NRG1: variants seen among roughly 807,000 people sequenced by gnomAD.
NRG1 encodes pro-neuregulin-1, membrane-bound isoform.
NRG1 carries 18 observed loss-of-function variants against 63.8 expected under a neutral mutation model. The ratio of observed to expected loss-of-function variants is 0.28; its 90% CI spans 0.19 to 0.42. The LOEUF is 0.42. Ranked by LOEUF, NRG1 falls within the 10% of genes least tolerant of loss-of-function variation. The probability of loss-of-function intolerance (pLI) is 1.00; values close to 1 mark genes in which losing one functional copy is unlikely to be tolerated. For missense variants in NRG1, 762 were observed against 814.7 expected, an observed-to-expected ratio of 0.94 and a Z score of 0.79; for synonymous variants, 302 against 301.3, an observed-to-expected ratio of 1.00 and a Z score of -0.02.
At chr8:32,224,491 GAT>G (rs1846132513) in intron 1 of NRG1, among the ~76,000 whole-genome samples, 1 of 152,140 alleles carries the variant, frequency 6.6e-6, no homozygotes. Context: ...CCAGTGGGAG[GAT>G]ATTTAAACCC....
At chr8:32,695,408 A>G (rs532384399) in intron 5 of NRG1, among the ~76,000 whole-genome samples, 1 of 152,240 alleles carries the variant, frequency 6.6e-6, no homozygotes, top group East Asian at 1.9e-4. Context: ...AGGAGAAAAG[A>G]AAAGAAAAGA....
intron 5 of NRG1, among the ~76,000 whole-genome samples, chr8:32,622,813 CATGT>C (rs1417300614): frequency 2.6e-5 from 4 of 152,180 alleles, no homozygotes; most frequent in Non-Finnish European, 5.9e-5. Flanking sequence ...ATGGTCCCTT[CATGT>C]ATGGAAGAGA....
chr8:31,871,274 C>T (rs1392270836), intron 1 of NRG1, among the ~76,000 whole-genome samples: 1 of 152,094 alleles, frequency 6.6e-6, no homozygotes, highest in Non-Finnish European at 1.5e-5. Flanking sequence ...TGTGCCCGTC[C>T]TTGTTTTCCT....
chr8:31,829,127 C>A (rs925388825), intron 1 of NRG1, among the ~76,000 whole-genome samples: 1 of 152,186 alleles, frequency 6.6e-6, no homozygotes, highest in Admixed American at 6.5e-5. Flanking sequence ...TTGGATTAAC[C>A]TCTCTCAGAT....
At chr8:32,719,333 G>A (rs1222329410) in intron 5 of NRG1, among the ~76,000 whole-genome samples, 2 of 151,960 alleles carry the variant, frequency 1.3e-5, no homozygotes, top group Non-Finnish European at 2.9e-5. Flanking sequence ...ACAAGGGATT[G>A]TGTAATGAAT....
chr8:31,683,582 C>T lies in NRG1; in HGVS notation c.37+44151C>T, dbSNP rs117924852. On this transcript the variant is annotated intron_variant, in intron 1 of 10. Transcript: ENST00000519301. ...GGCAGAGCATGTAGGATCTTCAGGG[C>T]GGTGAAACTATTTTTTATGATTCTG... is the stretch of plus-strand genomic sequence containing the variant. Among the ~76,000 whole-genome samples, 2,022 of 152,122 alleles carry T rather than the reference C, an allele frequency of 0.013. 63 individuals are homozygous for T. The South Asian group carries it at 0.14, about 10-fold the overall frequency.
chr8:31,877,861 T>C (rs928396008), intron 1 of NRG1, among the ~76,000 whole-genome samples: 42 of 152,196 alleles, frequency 2.8e-4, no homozygotes, highest in African/African-American at 9.4e-4. Flanking sequence ...CCTAAAATAT[T>C]TGAATGACCC....
At chr8:31,884,567 C>T (rs1288420227) in intron 1 of NRG1, among the ~76,000 whole-genome samples, 1 of 152,120 alleles carries the variant, frequency 6.6e-6, no homozygotes, top group Non-Finnish European at 1.5e-5. Flanking sequence ...TTTGCCTTCA[C>T]TTTCTCTCCT....
intron 1 of NRG1, among the ~76,000 whole-genome samples, chr8:32,561,803 T>C (rs1836449993): frequency 6.6e-6 from 1 of 151,618 alleles, no homozygotes; most frequent in Non-Finnish European, 1.5e-5. Flanking sequence ...AGGGCAGTAG[T>C]TCAGTTTGCA....
intron 4 of NRG1, among the ~76,000 whole-genome samples, chr8:32,616,468 C>G (rs886074349): frequency 6.6e-6 from 1 of 152,076 alleles, no homozygotes; most frequent in African/African-American, 2.4e-5. Flanking sequence ...GGGCTATTCT[C>G]TTTGGTTTCA....
chr8:32,250,006 A>T (rs533948192), intron 1 of NRG1, among the ~76,000 whole-genome samples: 1 of 152,214 alleles, frequency 6.6e-6, no homozygotes, highest in South Asian at 2.1e-4. Context: ...GAATATGGGA[A>T]GGCAGTTTGG....
At chr8:32,764,178 A>G in exon 12 of NRG1, 7 of 1,614,134 alleles carry the variant, frequency 4.3e-6, no homozygotes, top group South Asian at 1.1e-5. Context: ...CAGCAACACA[A>G]GCTCCCAGAG....
At chr8:32,540,095 T>TG (rs557722049) in intron 1 of NRG1, among the ~76,000 whole-genome samples, 170 of 152,294 alleles carry the variant, frequency 1.1e-3, no homozygotes, top group Admixed American at 2.4e-3. Flanking sequence ...TTGTTGTTGT[T>TG]GTTATGGTTT....
intron 1 of NRG1, among the ~76,000 whole-genome samples, chr8:32,266,028 T>G (rs1475493877): frequency 1.3e-5 from 2 of 152,054 alleles, no homozygotes; most frequent in Non-Finnish European, 2.9e-5. Context: ...TTGGTATCCT[T>G]GGGGGGTCCT....
At chr8:32,325,785 G>T (rs562320628) in intron 1 of NRG1, among the ~76,000 whole-genome samples, 1 of 152,214 alleles carries the variant, frequency 6.6e-6, no homozygotes, top group African/African-American at 2.4e-5. Flanking sequence ...GATATCAAAG[G>T]TTCCTTTCAC....
intron 5 of NRG1, among the ~76,000 whole-genome samples, chr8:32,658,684 G>A (rs1325578413): frequency 6.6e-6 from 1 of 152,092 alleles, no homozygotes; most frequent in Non-Finnish European, 1.5e-5. Flanking sequence ...AGAAAATGTT[G>A]ATATTTTCAT....
At chr8:32,280,953 G>A (rs1039476654) in intron 1 of NRG1, among the ~76,000 whole-genome samples, 1 of 150,296 alleles carries the variant, frequency 6.7e-6, no homozygotes, top group Non-Finnish European at 1.5e-5. Context: ...TAGAGACGGG[G>A]TTTCACCGTG....
At chr8:32,175,691 GACAA>G (rs1840642176) in intron 1 of NRG1, among the ~76,000 whole-genome samples, 1 of 152,136 alleles carries the variant, frequency 6.6e-6, no homozygotes. Flanking sequence ...ACCCATAACA[GACAA>G]ACAGAGAGCC....
intron 1 of NRG1, among the ~76,000 whole-genome samples, chr8:32,584,496 G>A (rs961141564): frequency 6.6e-6 from 1 of 152,196 alleles, no homozygotes; most frequent in Admixed American, 6.5e-5. Context: ...ACAGAGAAGA[G>A]AGAAATTTAA....
Sources: allele counts gnomAD v4.1 joint callset (sites outside exome capture counted in the v4.1 genomes callset), GRCh38; gene constraint gnomAD v4.1.1; transcripts MANE v1.5; gene names NCBI Gene and HGNC (gene_info 2026-07-23, HGNC 2026-07-21).